Variants in CPED1 observed in about 807,000 individuals in gnomAD.
CPED1 encodes the protein cadherin like and PC-esterase domain containing 1.
In CPED1, 114 loss-of-function variants were observed where a neutral mutation model predicts 128.2. The observed-to-expected ratio is 0.89, with a 90% CI of 0.76 to 1.04. The LOEUF (loss-of-function observed/expected upper bound fraction) is 1.04, where lower values mean the gene tolerates loss of function less well. Ranked by LOEUF, CPED1 falls within the 50% of genes least tolerant of loss-of-function variation. CPED1 has a pLI of 0.00. For missense variants in CPED1, 1,211 were observed against 1,207.1 expected, an observed-to-expected ratio of 1.00 and a Z score of -0.05; for synonymous variants, 462 against 426.7, an observed-to-expected ratio of 1.08 and a Z score of -1.02.
chr7:120,993,584 T>C (rs1796344491), intron 2 of CPED1, among the ~76,000 whole-genome samples: 1 of 152,230 alleles, frequency 6.6e-6, no homozygotes, highest in African/African-American at 2.4e-5. Context: ...GTAAATAGTA[T>C]ATTTAACATT....
chr7:121,227,127 A>G (rs1025510631), intron 16 of CPED1, among the ~76,000 whole-genome samples: 1 of 152,092 alleles, frequency 6.6e-6, no homozygotes, highest in Non-Finnish European at 1.5e-5. Context: ...AGGTCATTCC[A>G]GTGCCCCAAA....
At chr7:121,275,166 A>G (rs924410191) in intron 22 of CPED1, among the ~76,000 whole-genome samples, 1 of 152,132 alleles carries the variant, frequency 6.6e-6, no homozygotes, top group African/African-American at 2.4e-5. Flanking sequence ...ATTCTATCAT[A>G]GACATAACAA....
intron 16 of CPED1, among the ~76,000 whole-genome samples, chr7:121,225,630 T>G (rs924319516): frequency 1.3e-5 from 2 of 152,128 alleles, no homozygotes; most frequent in African/African-American, 4.8e-5. Context: ...AAACATAGAT[T>G]TGGTCTTTTC....
intron 3 of CPED1, among the ~76,000 whole-genome samples, chr7:121,042,958 G>A (rs1237757136): frequency 6.6e-6 from 1 of 152,148 alleles, no homozygotes; most frequent in Admixed American, 6.5e-5. Flanking sequence ...AATTGACCAG[G>A]GGCTTTGCCT....
At chr7:121,163,013 T>C (rs1461347860) in intron 16 of CPED1, among the ~76,000 whole-genome samples, 1 of 152,200 alleles carries the variant, frequency 6.6e-6, no homozygotes, top group Non-Finnish European at 1.5e-5. Flanking sequence ...TTAGAAATAC[T>C]CTTTTAAGAA....
Position 121,100,056 on chromosome 7 carries a change from GT to G in CPED1, c.883del (p.Trp295GlyfsTer21). 6.2e-7 allele frequency: 1 copy of G among 1,613,526 alleles called. No individual in the cohort carries two copies. Among genetic ancestry groups the G allele is most frequent in the Non-Finnish European group, 8.5e-7 (1 of 1,179,726 alleles). On this transcript the variant is annotated frameshift_variant, in exon 7 of 23. Transcript: ENST00000310396. LOFTEE classifies it high-confidence loss of function. Reference sequence around the variant, plus strand: ...TGCATTCATTCATTCGACGGGCACAGTTTGGAATCCACCAAAGAAAAAACGC... The same window carrying G: ...TGCATTCATTCATTCGACGGGCACAGTTGGAATCCACCAAAGAAAAAACGC... ...LRAFIHSTGT[V>X]WNPPKKKRFT...
intron 3 of CPED1, among the ~76,000 whole-genome samples, chr7:121,026,035 A>AT (rs1792571467): frequency 6.6e-6 from 1 of 152,114 alleles, no homozygotes; most frequent in African/African-American, 2.4e-5. Context: ...AAAGCTCATC[A>AT]TCACATCCCC....
intron 18 of CPED1, chr7:121,261,631 G>A: frequency 6.2e-7 from 1 of 1,610,226 alleles, no homozygotes; most frequent in East Asian, 2.2e-5. Flanking sequence ...CCTTCCTTCA[G>A]TTGGGTGTCG....
chr7:121,044,493 T>C (rs1793136921), intron 3 of CPED1, among the ~76,000 whole-genome samples: 1 of 151,948 alleles, frequency 6.6e-6, no homozygotes, highest in Non-Finnish European at 1.5e-5. Flanking sequence ...AAATTATTAA[T>C]TTAAAATATT....
intron 16 of CPED1, among the ~76,000 whole-genome samples, chr7:121,174,993 G>A (rs779495531): frequency 3.3e-5 from 5 of 152,038 alleles, no homozygotes; most frequent in Non-Finnish European, 7.4e-5. Context: ...TTGTGAATGC[G>A]ATTGTGCTCC....
chr7:121,025,835 TA>T (rs1347449506), intron 3 of CPED1, among the ~76,000 whole-genome samples: 1 of 152,208 alleles, frequency 6.6e-6, no homozygotes, highest in Non-Finnish European at 1.5e-5. Context: ...GAATCCTATC[TA>T]ATTTGTCTCC....
intron 16 of CPED1, among the ~76,000 whole-genome samples, chr7:121,231,479 T>C (rs1266800611): frequency 6.6e-6 from 1 of 151,760 alleles, no homozygotes; most frequent in Non-Finnish European, 1.5e-5. Context: ...TTGTGAAGAG[T>C]GGGGAAATGT....
At chr7:121,009,224 A>T (rs1359470247) in intron 2 of CPED1, among the ~76,000 whole-genome samples, 1 of 152,092 alleles carries the variant, frequency 6.6e-6, no homozygotes, top group South Asian at 2.1e-4. Context: ...CAGCAAGGAA[A>T]TTTAATATAT....
chr7:120,989,895 A>T, intron 2 of CPED1, 25 bp downstream of exon 2: 1 of 1,611,858 alleles, frequency 6.2e-7, no homozygotes, highest in Non-Finnish European at 8.5e-7. Flanking sequence ...AGCTTAACGG[A>T]GACAGTTTCT....
chr7:121,133,519 A>C (rs1293097630), intron 12 of CPED1, among the ~76,000 whole-genome samples: 2 of 152,078 alleles, frequency 1.3e-5, no homozygotes, highest in African/African-American at 4.8e-5. Flanking sequence ...TTCCAATAAG[A>C]ATGTGTATTC....
intron 22 of CPED1, among the ~76,000 whole-genome samples, chr7:121,273,844 A>G (rs546712194): frequency 4.6e-5 from 7 of 152,252 alleles, no homozygotes; most frequent in Admixed American, 4.6e-4. Context: ...GCAAAAGTCA[A>G]GACTTAGAAA....
intron 3 of CPED1, among the ~76,000 whole-genome samples, chr7:121,042,050 C>T (rs1793070881): frequency 6.6e-6 from 1 of 151,734 alleles, no homozygotes; most frequent in Admixed American, 6.6e-5. Flanking sequence ...GCCCTATGAC[C>T]TTTCTATTTA....
chr7:121,104,139 T>C (rs1473366865), intron 7 of CPED1, among the ~76,000 whole-genome samples: 2 of 151,966 alleles, frequency 1.3e-5, no homozygotes, highest in Non-Finnish European at 2.9e-5. Flanking sequence ...TGATTTTAAA[T>C]CAACTCTATT....
At chr7:121,275,044 T>C (rs961663747) in intron 22 of CPED1, among the ~76,000 whole-genome samples, 9 of 152,142 alleles carry the variant, frequency 5.9e-5, no homozygotes, top group African/African-American at 1.9e-4. Flanking sequence ...GGGACTTTTA[T>C]CTTCTGATGT....
Sources: allele counts gnomAD v4.1 joint callset (sites outside exome capture counted in the v4.1 genomes callset), GRCh38; gene constraint gnomAD v4.1.1; transcripts MANE v1.5; gene names NCBI Gene and HGNC (gene_info 2026-07-23, HGNC 2026-07-21).